The following ZNF160 variants were observed in gnomAD, a reference collection of about 807,000 sequenced individuals.
ZNF160 encodes KRAB zinc finger protein KR18.
ZNF160 carries 9 observed loss-of-function variants against 13.1 expected under a neutral mutation model. The observed-to-expected ratio is 0.69, with a 90% CI of 0.41 to 1.20. The LOEUF is 1.20. Ranked by LOEUF, ZNF160 falls within the 50% of genes most tolerant of loss-of-function variation. The pLI is 0.01. For synonymous variants in ZNF160, 293 were observed against 333.2 expected (o/e 0.88, Z 1.31); for missense variants, 838 against 988.0 (o/e 0.85, Z 2.04).
intron 1 of ZNF160, 61 bp from the exon 2 acceptor site, chr19:53,091,781 G>A (rs1160382788): frequency 6.6e-6 from 1 of 152,246 alleles, no homozygotes; most frequent in Non-Finnish European, 1.5e-5. Flanking sequence ...AAACTAGAAT[G>A]TGAAATGCAA....
At position 53,069,809 on chromosome 19, in the gene ZNF160, G is replaced by A. The variant is rs751580559; in HGVS notation, c.725C>T (p.Ser242Leu). Residue 242 changes from serine to leucine, a missense_variant, in exon 6 of 6, where the codon TCA becomes TTA. By Grantham distance (145) the Ser-to-Leu change is moderately radical. This residue lies in a region of ZNF160 where 387 missense variants were observed against 402.3 expected (regional missense o/e 0.96). Transcript: ENST00000683776. This position sits in a 1 kb window ranked among gnomAD's most constrained non-coding sequence, Gnocchi z 4.4. The stretch of plus-strand genomic sequence containing the variant: ...TGCTTTTCGTCTTTGTGTGAGTAAT[G>A]AAAAATGGTTAAGTTCATGATATTT... ...SKKYHELNHF[S>L]LLTQRRKANS... 1 of 1,614,124 alleles carries A rather than the reference G, an allele frequency of 6.2e-7. No individual in the cohort carries two copies. The highest frequency in any genetic ancestry group is 8.5e-7 in the Non-Finnish European group (1 of 1,180,028).
intron 5 of ZNF160, among the ~76,000 whole-genome samples, chr19:53,071,673 A>T (rs1450969947): frequency 1.3e-5 from 2 of 149,440 alleles, no homozygotes; most frequent in Non-Finnish European, 3.0e-5. Context: ...ATAAAAAAAT[A>T]AAAAAAAAAT....
At chr19:53,084,563 C>A (rs962353533) in intron 3 of ZNF160, among the ~76,000 whole-genome samples, 1 of 152,142 alleles carries the variant, frequency 6.6e-6, no homozygotes, top group Non-Finnish European at 1.5e-5. Flanking sequence ...GAAAATAAAC[C>A]GCAGAATACA....
At chr19:53,098,542 C>A (rs1229061998) in intron 1 of ZNF160, among the ~76,000 whole-genome samples, 1 of 151,568 alleles carries the variant, frequency 6.6e-6, no homozygotes. Flanking sequence ...CCGGATTGAG[C>A]TGGCGGAGGA....
rs57869247 is a variant in ZNF160, at chr19:53,077,668, C to CAA, written c.16-2487_16-2486dup. On this transcript the variant is annotated intron_variant, in intron 3 of 5. Coordinates refer to ENST00000683776, the MANE Select transcript of ZNF160 (RefSeq NM_001322131.2). ...TGGGTGACAGAGTGAGACTCCATCT[C>CAA]AAAAAAAAAAAAAAAAAAGCAAAAG... Among the ~76,000 whole-genome samples, 108 of 51,020 alleles carry CAA rather than the reference C, an allele frequency of 2.1e-3. 2 individuals carry two copies. Among genetic ancestry groups the CAA allele is most frequent in the Middle Eastern group, 0.01 (1 of 96 alleles). The allele number at this position is 51,020 out of a possible 152,430, so 33.5% of individuals were successfully genotyped here.
chr19:53,084,575 C>T (rs1218539787), intron 3 of ZNF160, among the ~76,000 whole-genome samples: 1 of 152,182 alleles, frequency 6.6e-6, no homozygotes, highest in Non-Finnish European at 1.5e-5. Context: ...CAGAATACAA[C>T]ACAGCTCCTG....
At chr19:53,073,109 T>C (rs1000752358) in intron 5 of ZNF160, 31 of 1,130,236 alleles carry the variant, frequency 2.7e-5, no homozygotes, top group Non-Finnish European at 3.6e-5. Context: ...TTTCACCCAG[T>C]GACCAACATC....
chr19:53,097,499 G>T (rs77949198), intron 1 of ZNF160, among the ~76,000 whole-genome samples: 18,819 of 151,564 alleles, frequency 0.12, 1,257 homozygotes, highest in Middle Eastern at 0.18. Flanking sequence ...GCCCTGTTAT[G>T]AAATCTCACA....
intron 1 of ZNF160, chr19:53,095,739 C>G (rs550483102): frequency 1.3e-5 from 2 of 152,086 alleles, no homozygotes; most frequent in South Asian, 4.2e-4. Context: ...AATGTTCAGT[C>G]GTTTATTCAC....
At chr19:53,081,870 G>A (rs2084644246) in intron 3 of ZNF160, among the ~76,000 whole-genome samples, 2 of 152,176 alleles carry the variant, frequency 1.3e-5, no homozygotes, top group East Asian at 1.9e-4. Context: ...AATCAACCTT[G>A]GTGACCATCA....
At chr19:53,077,985 T>G (rs1366352585) in intron 3 of ZNF160, among the ~76,000 whole-genome samples, 2 of 152,150 alleles carry the variant, frequency 1.3e-5, no homozygotes, top group Non-Finnish European at 2.9e-5. Flanking sequence ...CTCACGCCTG[T>G]AATCCCAGCA....
chr19:53,103,103 T>C (rs1032225457), intron 1 of ZNF160, among the ~76,000 whole-genome samples, 162 bp downstream of exon 1: 2 of 151,558 alleles, frequency 1.3e-5, no homozygotes, highest in Non-Finnish European at 2.9e-5. Flanking sequence ...GAGGAGTCAG[T>C]AAAGGATTTT....
At chr19:53,073,607 T>A (rs1157723206) in intron 5 of ZNF160, 1 of 1,407,002 alleles carries the variant, frequency 7.1e-7, no homozygotes, top group African/African-American at 1.4e-5. Flanking sequence ...GACTAAGAAC[T>A]GAGCACCATA....
chr19:53,082,439 T>C (rs1231349733), intron 3 of ZNF160, among the ~76,000 whole-genome samples: 3 of 152,126 alleles, frequency 2.0e-5, no homozygotes, highest in Non-Finnish European at 2.9e-5. Context: ...CCCAGCACTT[T>C]AGGAGGCCAA....
chr19:53,075,732 T>A (rs767527942), intron 3 of ZNF160: 1 of 518,968 alleles, frequency 1.9e-6, no homozygotes, highest in Non-Finnish European at 3.8e-6. Context: ...GCATCTTCTA[T>A]AATAAATGGG....
intron 3 of ZNF160, among the ~76,000 whole-genome samples, chr19:53,079,164 C>A (rs2084523702): frequency 6.6e-6 from 1 of 152,106 alleles, no homozygotes; most frequent in Non-Finnish European, 1.5e-5. Context: ...ATGTAATACA[C>A]CACACTGACA....
Position 53,075,170 on chromosome 19 carries a change from A to C in ZNF160, c.29T>G (p.Phe10Cys). 1 of 1,614,128 alleles carries C rather than the reference A, an allele frequency of 6.2e-7. No homozygotes were observed. The highest frequency in any genetic ancestry group is 1.1e-5 in the South Asian group (1 of 91,076). Residue 10 changes from phenylalanine (F) to cysteine (C), a missense_variant, in exon 4 of 6, where the codon TTT (phenylalanine) becomes TGT (cysteine). Phe to Cys is a radical substitution (Grantham distance 205). Transcript: ENST00000683776. ...AGAGAATTCTATGGCCACATCCCTA[A>C]ATGTCAACCGTACCTAAAATGAAAA... is the stretch of plus-strand genomic sequence containing the variant. MALTQVRLT[F>C]RDVAIEFSQE...
chr19:53,079,706 C>T (rs1364369311), intron 3 of ZNF160, among the ~76,000 whole-genome samples: 1 of 147,344 alleles, frequency 6.8e-6, no homozygotes, highest in Non-Finnish European at 1.5e-5. Flanking sequence ...AACTTTTGTG[C>T]ATCAACAGAT....
Position 53,067,749 on chromosome 19 carries a change from T to C in ZNF160, c.*328A>G. The C allele has an allele frequency of 4.1e-6, 1 of 243,598 alleles. No individual in the cohort carries two copies. Among genetic ancestry groups the C allele is most frequent in the Non-Finnish European group, 8.0e-6 (1 of 125,554 alleles). The allele number at this position is 243,598 out of a possible 1,614,324, so 15.1% of individuals were successfully genotyped here. ...CTTGTGAGTATTCTACAGTGTATAA[T>C]ATCAAAGGCAAACAGGGAAACCAGA... On this transcript the variant is annotated 3_prime_UTR_variant, in exon 6 of 6. Coordinates refer to ENST00000683776, the MANE Select transcript of ZNF160 (RefSeq NM_001322131.2).
Sources: gnomAD v4.1 joint callset for allele counts (sites outside exome capture counted in the v4.1 genomes callset) on GRCh38, gnomAD v4.1.1 for gene constraint, gnomAD v4.1.1 regional missense constraint, Gnocchi (gnomAD v3.1) non-coding constraint, MANE v1.5 for transcripts, NCBI Gene and HGNC (gene_info 2026-07-23, HGNC 2026-07-21) for gene names.